The following DPF3 variants were observed in gnomAD, a reference collection of about 807,000 sequenced individuals.
DPF3 encodes zinc finger protein DPF3.
A neutral mutation model predicts 56.8 loss-of-function variants in DPF3; 18 were observed. The ratio of observed to expected loss-of-function variants is 0.32; its 90% confidence interval spans 0.22 to 0.47. The LOEUF is 0.47. DPF3 is among the 20% of genes least tolerant of loss of function. DPF3 has a pLI of 1.00. For missense variants in DPF3, 403 were observed against 488.8 expected (o/e 0.82, Z 1.65); for synonymous variants, 188 against 180.2 (o/e 1.04, Z -0.35).
At chr14:72,723,517 G>C (rs760412260) in intron 5 of DPF3, 116 bp downstream of exon 5, 1 of 890,378 alleles carries the variant, frequency 1.1e-6, no homozygotes, top group East Asian at 2.8e-5. Context: ...TCCTTTGAGC[G>C]TTCTCCATGT....
intron 9 of DPF3, among the ~76,000 whole-genome samples, chr14:72,623,315 C>T (rs1884580414): frequency 6.6e-6 from 1 of 151,652 alleles, no homozygotes; most frequent in African/African-American, 2.4e-5. Context: ...GCAATATGTC[C>T]CTAAAAAAAA....
At chr14:72,645,312 A>G (rs1005079849) in intron 8 of DPF3, among the ~76,000 whole-genome samples, 1 of 146,270 alleles carries the variant, frequency 6.8e-6, no homozygotes, top group African/African-American at 2.6e-5. Context: ...TTTTTTTTTC[A>G]GAGATAGGGT....
At chr14:72,725,503 G>A (rs1203517817) in intron 4 of DPF3, among the ~76,000 whole-genome samples, 6 of 152,004 alleles carry the variant, frequency 3.9e-5, no homozygotes, top group South Asian at 2.1e-4. Context: ...AGAGGAACAC[G>A]GCTTGTCCAA....
At chr14:72,757,549 GAGTT>G (rs1365703496) in intron 2 of DPF3, among the ~76,000 whole-genome samples, 1 of 152,084 alleles carries the variant, frequency 6.6e-6, no homozygotes, top group Non-Finnish European at 1.5e-5. Flanking sequence ...TTGTAGGAAA[GAGTT>G]AGTGACTACC....
At chr14:72,709,041 C>A (rs1567207375) in intron 6 of DPF3, among the ~76,000 whole-genome samples, 1 of 152,206 alleles carries the variant, frequency 6.6e-6, no homozygotes, top group Non-Finnish European at 1.5e-5. Context: ...AGCCTGATAC[C>A]CTTCTCTCTG....
chr14:72,760,215 A>T (rs1891011001), intron 2 of DPF3, among the ~76,000 whole-genome samples: 1 of 152,216 alleles, frequency 6.6e-6, no homozygotes, highest in African/African-American at 2.4e-5. Flanking sequence ...TCATACCTGT[A>T]ATCCCAACAA....
intron 5 of DPF3, among the ~76,000 whole-genome samples, chr14:72,723,035 TA>T (rs1307924122): frequency 4.7e-5 from 7 of 147,382 alleles, no homozygotes; most frequent in African/African-American, 1.9e-4. Context: ...GATTATGGTT[TA>T]TTTATTTTTT....
intron 1 of DPF3, among the ~76,000 whole-genome samples, chr14:72,838,926 T>G (rs970461470): frequency 3.3e-5 from 4 of 119,966 alleles, no homozygotes; most frequent in African/African-American, 1.4e-4. Context: ...TTTTTTTTTT[T>G]TTTTTTTTTT....
At chr14:72,643,737 G>A (rs1423745782) in intron 8 of DPF3, among the ~76,000 whole-genome samples, 1 of 152,206 alleles carries the variant, frequency 6.6e-6, no homozygotes, top group Non-Finnish European at 1.5e-5. Flanking sequence ...CCTCTGAGAG[G>A]AGCACAAAAG....
rs774742636 is a variant in DPF3, at chr14:72,777,886, T to TA, written c.33-5994dup. Among the ~76,000 whole-genome samples, 6 of 152,288 alleles carry TA rather than the reference T, an allele frequency of 3.9e-5. No individual in the cohort carries two copies. The East Asian group carries it at 9.6e-4, about 24-fold the overall frequency. ...ACAGCCTGCAGAACGATGAGCCAAT[T>TA]AAACCTGTTCTTTATAAATTACCAA... On this transcript the variant is annotated intron_variant, in intron 1 of 10. Coordinates refer to ENST00000556509, the MANE Select transcript of DPF3 (RefSeq NM_001280542.3).
chr14:72,779,394 G>A (rs1891878410), intron 1 of DPF3, among the ~76,000 whole-genome samples: 1 of 152,176 alleles, frequency 6.6e-6, no homozygotes, highest in Non-Finnish European at 1.5e-5. Flanking sequence ...CTGACAAAAG[G>A]AATTCTCCCT....
chr14:72,790,528 C>A (rs1248211333), intron 1 of DPF3, among the ~76,000 whole-genome samples: 1 of 152,186 alleles, frequency 6.6e-6, no homozygotes, highest in African/African-American at 2.4e-5. Context: ...GTGTACCAGG[C>A]ACCTTGCTGA....
intron 1 of DPF3, among the ~76,000 whole-genome samples, chr14:72,875,234 A>T (rs11158985): frequency 0.2 from 29,740 of 152,092 alleles, 3,381 homozygotes; most frequent in East Asian, 0.37. Context: ...CAGCCAAACC[A>T]TATCACTACT....
chr14:72,723,657 C>T lies in DPF3; in HGVS notation c.501G>A (p.Lys167=), dbSNP rs772509613. The change falls in exon 5 of 11, where the codon AAG becomes AAA. Residue 167 remains lysine, a synonymous_variant. Coordinates refer to ENST00000556509, the MANE Select transcript of DPF3 (RefSeq NM_001280542.3). ...EEEDLEEDIP[K]RKNRTRGRAR... ...CCCGTCCTCTAGTCCTGTTCTTTCGCTTGGGAATATCCTCTTCCAAATCCT... is the reference window on the plus strand; with the variant it reads ...CCCGTCCTCTAGTCCTGTTCTTTCGTTTGGGAATATCCTCTTCCAAATCCT... 6.3e-6 allele frequency: 10 copies of T among 1,586,966 alleles called. No individual in the cohort carries two copies. The African/African-American group carries it at 1.1e-4, about 17-fold the overall frequency.
chr14:72,692,935 G>A (rs1295704070), intron 7 of DPF3, 141 bp downstream of exon 7: 1 of 1,412,844 alleles, frequency 7.1e-7, no homozygotes, highest in Non-Finnish European at 9.6e-7. Flanking sequence ...CTGGCTGAAA[G>A]GGCCAACACA....
intron 1 of DPF3, among the ~76,000 whole-genome samples, chr14:72,888,826 A>C (rs186645750): frequency 6.6e-6 from 1 of 152,096 alleles, no homozygotes. Flanking sequence ...ACACTCAAAA[A>C]CCACAAAAGT....
At chr14:72,711,097 G>C (rs1380693457) in intron 6 of DPF3, among the ~76,000 whole-genome samples, 2 of 152,202 alleles carry the variant, frequency 1.3e-5, no homozygotes, top group Non-Finnish European at 2.9e-5. Context: ...TCCAGGAAGG[G>C]TTAAATAAAT....
intron 1 of DPF3, among the ~76,000 whole-genome samples, chr14:72,837,448 A>G (rs1884344097): frequency 6.6e-6 from 1 of 151,932 alleles, no homozygotes; most frequent in Admixed American, 6.6e-5. Flanking sequence ...AACTAATAAT[A>G]GGATCATGGC....
At chr14:72,805,051 G>GACACAGACACACACACACACACAC (rs1882695033) in intron 1 of DPF3, among the ~76,000 whole-genome samples, 1 of 146,364 alleles carries the variant, frequency 6.8e-6, no homozygotes, top group Admixed American at 6.8e-5. Flanking sequence ...CACAGCCCTG[G>GACACAGACACACACACACACACAC]ACACACACAC....
Sources: allele counts gnomAD v4.1 joint callset (sites outside exome capture counted in the v4.1 genomes callset), GRCh38; gene constraint gnomAD v4.1.1; transcripts MANE v1.5; gene names NCBI Gene and HGNC (gene_info 2026-07-23, HGNC 2026-07-21).